MYO5B: variants seen among roughly 807,000 people sequenced by gnomAD.
The protein encoded by MYO5B is myosin VB.
MYO5B carries 143 observed loss-of-function variants against 229.3 expected under a neutral mutation model. That is an observed-to-expected ratio of 0.62 (90% CI 0.54 to 0.72). MYO5B has a LOEUF of 0.72. MYO5B is among the 30% of genes least tolerant of loss of function. The pLI is 0.00. For synonymous variants in MYO5B, 918 were observed against 885.2 expected (o/e 1.04, Z -0.66); for missense variants, 2,321 against 2,331.0 (o/e 1.00, Z 0.09).
intron 4 of MYO5B, among the ~76,000 whole-genome samples, chr18:50,027,374 A>G (rs2026342550): frequency 6.6e-6 from 1 of 152,192 alleles, no homozygotes; most frequent in Non-Finnish European, 1.5e-5. Flanking sequence ...ACAGGGCTCC[A>G]TGTTCAGTGC....
At chr18:50,068,207 T>C (rs553232596) in intron 1 of MYO5B, among the ~76,000 whole-genome samples, 2 of 152,338 alleles carry the variant, frequency 1.3e-5, no homozygotes, top group Middle Eastern at 3.4e-3. Context: ...TTGTCAAATA[T>C]GTGAGATTAA....
chr18:49,977,505 A>G (rs570338739), intron 9 of MYO5B, among the ~76,000 whole-genome samples: 1 of 152,286 alleles, frequency 6.6e-6, no homozygotes, highest in Admixed American at 6.5e-5. Flanking sequence ...GGTAGCAACT[A>G]TTAACGATGC....
At chr18:50,114,592 G>A (rs1389819839) in intron 1 of MYO5B, among the ~76,000 whole-genome samples, 1 of 152,192 alleles carries the variant, frequency 6.6e-6, no homozygotes, top group Non-Finnish European at 1.5e-5. Context: ...ACATTTGTCT[G>A]AGCTGGGCAA....
intron 25 of MYO5B, among the ~76,000 whole-genome samples, 154 bp downstream of exon 25, chr18:49,877,609 A>G (rs2144102662): frequency 6.6e-6 from 1 of 152,318 alleles, no homozygotes; most frequent in Middle Eastern, 3.4e-3. Flanking sequence ...CTCTAAATCC[A>G]CTGTAGTCCA....
chr18:50,069,512 T>C (rs1252036167), intron 1 of MYO5B, among the ~76,000 whole-genome samples: 1 of 152,194 alleles, frequency 6.6e-6, no homozygotes, highest in Non-Finnish European at 1.5e-5. Flanking sequence ...CTGTCCACTG[T>C]CTATTCACAG....
chr18:49,878,017 G>T (rs1353332912), intron 24 of MYO5B, 135 bp from the exon 25 acceptor site: 8 of 1,093,400 alleles, frequency 7.3e-6, no homozygotes, highest in Non-Finnish European at 1.1e-5. Flanking sequence ...TTCTTGGAAT[G>T]ATGGCTAAAT....
intron 4 of MYO5B, 27 bp downstream of exon 4, chr18:50,036,823 G>A (rs961135221): frequency 6.2e-7 from 1 of 1,613,692 alleles, no homozygotes; most frequent in Admixed American, 1.7e-5. Context: ...CTACTCAGGA[G>A]GACTTCTGGG....
chr18:50,177,633 A>T (rs2033015678), intron 1 of MYO5B, among the ~76,000 whole-genome samples: 1 of 152,198 alleles, frequency 6.6e-6, no homozygotes, highest in Non-Finnish European at 1.5e-5. Context: ...CAAAGTAGGG[A>T]TTCCAAGAGT....
chr18:49,890,253 C>T (rs1482731487), intron 22 of MYO5B, among the ~76,000 whole-genome samples: 3 of 152,246 alleles, frequency 2.0e-5, no homozygotes, highest in Admixed American at 1.3e-4. Flanking sequence ...GGTGTCAGGG[C>T]TGCAGGGTGC....
At chr18:50,045,455 G>A (rs568559214) in intron 2 of MYO5B, among the ~76,000 whole-genome samples, 2 of 152,262 alleles carry the variant, frequency 1.3e-5, no homozygotes, top group South Asian at 4.1e-4. Flanking sequence ...GTGCAATGAG[G>A]CAATCTTGAC....
Position 50,169,835 on chromosome 18 carries a change from C to T in MYO5B, c.27+24932G>A, listed in dbSNP as rs1167153332. Reference sequence around the variant, plus strand: ...TTTTTGCTCTTCACCTTTCCACTTGCTTTCCACCTAGAATACAGATGTGAG... The same window carrying T: ...TTTTTGCTCTTCACCTTTCCACTTGTTTTCCACCTAGAATACAGATGTGAG... On this transcript the variant is annotated intron_variant, in intron 1 of 39. Coordinates refer to ENST00000285039, the MANE Select transcript of MYO5B (RefSeq NM_001080467.3). Among the ~76,000 whole-genome samples, 4 of 127,378 alleles carry T rather than the reference C, an allele frequency of 3.1e-5. 2 individuals are homozygous for T. Among genetic ancestry groups the T allele is most frequent in the Non-Finnish European group, 6.7e-5 (4 of 59,726 alleles). 83.6% of individuals were successfully genotyped at this position (127,378 alleles called of 152,430 possible).
At chr18:49,939,412 G>A (rs939915683) in intron 14 of MYO5B, among the ~76,000 whole-genome samples, 1 of 152,100 alleles carries the variant, frequency 6.6e-6, no homozygotes, top group African/African-American at 2.4e-5. Flanking sequence ...CCAAAGTGCT[G>A]GGATTAAAGG....
intron 4 of MYO5B, among the ~76,000 whole-genome samples, chr18:50,031,252 G>C (rs2026385464): frequency 6.6e-6 from 1 of 152,136 alleles, no homozygotes; most frequent in Non-Finnish European, 1.5e-5. Flanking sequence ...GATTGGGTCT[G>C]GGTTCCATCT....
intron 22 of MYO5B, among the ~76,000 whole-genome samples, chr18:49,882,426 G>A (rs752197754): frequency 7.9e-5 from 12 of 151,782 alleles, no homozygotes; most frequent in African/African-American, 2.7e-4. Flanking sequence ...TCAGGAGATC[G>A]AGATGATCCT....
intron 1 of MYO5B, among the ~76,000 whole-genome samples, chr18:50,144,286 T>C (rs2032465056): frequency 6.6e-6 from 1 of 152,202 alleles, no homozygotes; most frequent in Non-Finnish European, 1.5e-5. Context: ...AGGCGTGCTT[T>C]GGACGCATAA....
chr18:50,121,352 C>T (rs2032055252), intron 1 of MYO5B, among the ~76,000 whole-genome samples: 2 of 152,218 alleles, frequency 1.3e-5, no homozygotes, highest in African/African-American at 4.8e-5. Context: ...ACACTGGTAG[C>T]TTTATATAGT....
At chr18:49,997,895 G>T (rs1456708693) in intron 5 of MYO5B, among the ~76,000 whole-genome samples, 1 of 152,128 alleles carries the variant, frequency 6.6e-6, no homozygotes, top group Non-Finnish European at 1.5e-5. Flanking sequence ...GTTGGGAGGT[G>T]CCATCCTTCC....
intron 1 of MYO5B, among the ~76,000 whole-genome samples, chr18:50,116,026 C>T (rs991395926): frequency 6.6e-6 from 1 of 152,136 alleles, no homozygotes; most frequent in Non-Finnish European, 1.5e-5. Context: ...TCCATCCCCC[C>T]ATCTCTTCAG....
chr18:49,922,383 A>G (rs912455791), intron 17 of MYO5B, among the ~76,000 whole-genome samples: 3 of 152,182 alleles, frequency 2.0e-5, no homozygotes, highest in African/African-American at 4.8e-5. Context: ...GAGTCAAAAT[A>G]TTACAGGTAT....
Sources: allele counts gnomAD v4.1 joint callset (sites outside exome capture counted in the v4.1 genomes callset), GRCh38; gene constraint gnomAD v4.1.1; transcripts MANE v1.5; gene names NCBI Gene and HGNC (gene_info 2026-07-23, HGNC 2026-07-21).